The following DNAH12 variants were observed in gnomAD, a reference collection of about 807,000 sequenced individuals.
DNAH12 encodes the protein dynein axonemal heavy chain 12, also known as axonemal beta dynein heavy chain 12.
A neutral mutation model predicts 371.5 loss-of-function variants in DNAH12; 285 were observed. The observed-to-expected ratio is 0.77, with a 90% confidence interval of 0.70 to 0.85. DNAH12 has a LOEUF of 0.85. Among genes scored for constraint, DNAH12 ranks in the 40% least tolerant of loss-of-function variants. DNAH12 has a pLI of 0.00. For missense variants in DNAH12, 3,611 were observed against 3,689.4 expected, an observed-to-expected ratio of 0.98 and a Z score of 0.55; for synonymous variants, 1,200 against 1,213.0, an observed-to-expected ratio of 0.99 and a Z score of 0.22.
At chr3:57,316,841 T>A (rs924142433) in intron 65 of DNAH12, among the ~76,000 whole-genome samples, 2 of 152,224 alleles carry the variant, frequency 1.3e-5, no homozygotes, top group Non-Finnish European at 2.9e-5. Flanking sequence ...TGATTGTAAG[T>A]TTCCCGAGGC....
At chr3:57,519,832 G>A in intron 4 of DNAH12, 2 of 1,209,994 alleles carry the variant, frequency 1.7e-6, no homozygotes, top group South Asian at 1.2e-5. Flanking sequence ...TCTGAGACAG[G>A]CATCCATCAC....
At chr3:57,527,460 T>C (rs1486766132) in intron 2 of DNAH12, among the ~76,000 whole-genome samples, 1 of 152,198 alleles carries the variant, frequency 6.6e-6, no homozygotes, top group Non-Finnish European at 1.5e-5. Context: ...GCATCTGCTG[T>C]TGGGGAGGCC....
intron 4 of DNAH12, chr3:57,519,833 C>G (rs143445283): frequency 8.5e-7 from 1 of 1,178,386 alleles, no homozygotes; most frequent in Non-Finnish European, 1.3e-6. Context: ...CTGAGACAGG[C>G]ATCCATCACC....
In DNAH12 at chr3:57,311,609, G is replaced by A. The variant is rs554406243; in HGVS notation, c.10663-659C>T. On this transcript the variant is annotated intron_variant, in intron 66 of 73. Transcript: ENST00000495027. The stretch of plus-strand genomic sequence containing the variant: ...GGAGATAACTTAGATGGTCACAACT[G>A]TGGTGGGGGCTGGGGTGTTACTGGC... Among the ~76,000 whole-genome samples the A allele has an allele frequency of 2.6e-5, 4 of 152,340 alleles. No individual in the cohort carries two copies. In the East Asian group the frequency reaches 7.7e-4, roughly 29 times the overall value.
At chr3:57,324,711 C>G (rs1339681711) in intron 62 of DNAH12, among the ~76,000 whole-genome samples, 1 of 152,208 alleles carries the variant, frequency 6.6e-6, no homozygotes, top group African/African-American at 2.4e-5. Flanking sequence ...GAGTGCCAGA[C>G]AGTGGGCGCA....
chr3:57,439,822 A>T (rs2065249532), intron 29 of DNAH12, among the ~76,000 whole-genome samples: 1 of 147,374 alleles, frequency 6.8e-6, no homozygotes, highest in Non-Finnish European at 1.5e-5. Flanking sequence ...ATTGATAAGG[A>T]ACTTAAACAA....
chr3:57,404,434 G>T (rs981441047), intron 42 of DNAH12, among the ~76,000 whole-genome samples: 1 of 152,054 alleles, frequency 6.6e-6, no homozygotes, highest in Admixed American at 6.5e-5. Flanking sequence ...CAAAAGTTTC[G>T]GCCAGGTGTG....
At chr3:57,368,994 G>A (rs2063109612) in intron 55 of DNAH12, among the ~76,000 whole-genome samples, 1 of 151,868 alleles carries the variant, frequency 6.6e-6, no homozygotes, top group Admixed American at 6.6e-5. Flanking sequence ...ATCACCCGAT[G>A]TCAGGAGTTC....
intron 52 of DNAH12, among the ~76,000 whole-genome samples, chr3:57,378,817 G>C (rs1403940304): frequency 6.6e-6 from 1 of 151,996 alleles, no homozygotes; most frequent in African/African-American, 2.4e-5. Context: ...TTTTAATCTG[G>C]CACTTTCCCC....
intron 11 of DNAH12, among the ~76,000 whole-genome samples, chr3:57,499,648 ATATATATAT>A (rs1367877868): frequency 4.7e-5 from 1 of 21,298 alleles, no homozygotes; most frequent in African/African-American, 2.0e-4. Context: ...AAAAAAAAAA[ATATATATAT>A]ATATATATAT....
chr3:57,389,840 A>ATATATATAT (rs1559608294), intron 45 of DNAH12, among the ~76,000 whole-genome samples: 19 of 98,574 alleles, frequency 1.9e-4, no homozygotes, highest in East Asian at 7.1e-4. Flanking sequence ...ATATATATAT[A>ATATATATAT]ATACTTTTTT....
chr3:57,433,971 A>G (rs2065039940), intron 30 of DNAH12, 143 bp from the exon 31 acceptor site: 1 of 684,866 alleles, frequency 1.5e-6, no homozygotes, highest in Non-Finnish European at 2.2e-6. Context: ...TGAAGAAAAC[A>G]TATTTAATTT....
At chr3:57,488,182 T>C (rs2066997968) in intron 12 of DNAH12, among the ~76,000 whole-genome samples, 1 of 152,102 alleles carries the variant, frequency 6.6e-6, no homozygotes, top group Admixed American at 6.6e-5. Flanking sequence ...ACTCTTTTTC[T>C]TTTTGTTTTT....
intron 24 of DNAH12, 110 bp from the exon 25 acceptor site, chr3:57,453,125 C>A: frequency 6.9e-7 from 1 of 1,455,128 alleles, no homozygotes; most frequent in South Asian, 1.4e-5. Flanking sequence ...TCATGTTTGC[C>A]AACTTATAAA....
intron 5 of DNAH12, among the ~76,000 whole-genome samples, chr3:57,509,688 C>A (rs2067908920): frequency 6.6e-6 from 1 of 151,500 alleles, no homozygotes; most frequent in Admixed American, 6.6e-5. Context: ...ATGGTGAAAC[C>A]CCATCTCTAC....
chr3:57,434,092 T>C (rs1258518287), intron 30 of DNAH12, among the ~76,000 whole-genome samples: 1 of 152,210 alleles, frequency 6.6e-6, no homozygotes, highest in Admixed American at 6.5e-5. Flanking sequence ...CTGTGTACTC[T>C]TAAAAAAACT....
In DNAH12 at chr3:57,323,018, G is replaced by C. The variant is rs928543512; in HGVS notation, c.10372C>G (p.Pro3458Ala). Residue 3458 changes from proline to alanine, a missense_variant, in exon 64 of 74, where the codon CCA (proline) becomes GCA (alanine). Physicochemically the swap from Pro to Ala is conservative, Grantham distance 27. Around this residue, in one of 3 missense-constraint regions of DNAH12, gnomAD observed 2,266 missense variants for 2,236.9 expected, o/e 1.01. Coordinates refer to ENST00000495027, the MANE Select transcript of DNAH12 (RefSeq NM_001366028.2). ...SSFRLWLTSY[P>A]SSKFPVTILQ... ...GGAAATAAACATACTTTTGAAGATG[G>C]ATAGCTTGTCAGCCAAAGCCTAAAG... 3 of 1,551,998 alleles carry C rather than the reference G, an allele frequency of 1.9e-6. No homozygotes were observed. The South Asian group carries it at 3.6e-5, about 18-fold the overall frequency.
At chr3:57,546,183 T>C (rs1172230056), upstream of DNAH12, among the ~76,000 whole-genome samples, 1 of 152,012 alleles carries the variant, frequency 6.6e-6, no homozygotes, top group Non-Finnish European at 1.5e-5. Flanking sequence ...TCCTTCCCCT[T>C]CCCAGTCCAT....
In DNAH12 at chr3:57,523,892, T is replaced by G. The variant is rs2068538079; in HGVS notation, c.171-8A>C. On this transcript the variant is annotated splice_region_variant and splice_polypyrimidine_tract_variant and intron_variant, in intron 2 of 73. Transcript: ENST00000495027. ...CTTTTGGCTCCATCAATTCTGAAATTTATAGTTAGAAATATGACTCTCTTG... is the reference window on the plus strand; with the variant it reads ...CTTTTGGCTCCATCAATTCTGAAATGTATAGTTAGAAATATGACTCTCTTG... 6.3e-7 allele frequency: 1 copy of G among 1,579,938 alleles called. No homozygotes were observed. The highest frequency in any genetic ancestry group is 1.2e-5 in the South Asian group (1 of 85,890).
Sources: allele counts gnomAD v4.1 joint callset (sites outside exome capture counted in the v4.1 genomes callset), GRCh38; gene constraint gnomAD v4.1.1; regional missense constraint gnomAD v4.1.1; transcripts MANE v1.5; gene names NCBI Gene and HGNC (gene_info 2026-07-23, HGNC 2026-07-21).